Variants in SNTG2 observed in about 807,000 individuals in gnomAD.
SNTG2 encodes the protein syntrophin gamma 2.
In SNTG2, 74 loss-of-function variants were observed where a neutral mutation model predicts 70.9. That is an observed-to-expected ratio of 1.04 (90% CI 0.86 to 1.27). The LOEUF (loss-of-function observed/expected upper bound fraction) is 1.27. Ranked by LOEUF, SNTG2 falls within the 50% of genes most tolerant of loss-of-function variation. The pLI, the probability that SNTG2 is intolerant of heterozygous loss-of-function variation, is 0.00. For missense variants in SNTG2, 717 were observed against 690.7 expected (o/e 1.04, Z -0.43); for synonymous variants, 278 against 273.8 (o/e 1.02, Z -0.15).
At chr2:1,143,931 T>C (rs1207923199) in intron 6 of SNTG2, among the ~76,000 whole-genome samples, 1 of 131,740 alleles carries the variant, frequency 7.6e-6, no homozygotes, top group African/African-American at 3.1e-5. Flanking sequence ...ACTATAAAAC[T>C]GTCAGTTCTT....
intron 9 of SNTG2, among the ~76,000 whole-genome samples, chr2:1,229,585 G>A (rs372213131): frequency 3.3e-5 from 5 of 152,240 alleles, no homozygotes; most frequent in Admixed American, 6.5e-5. Context: ...TGCCAGTCCC[G>A]CGCCGTGCGC....
At chr2:1,256,965 T>TC (rs1448556993) in intron 12 of SNTG2, among the ~76,000 whole-genome samples, 5 of 146,584 alleles carry the variant, frequency 3.4e-5, no homozygotes, top group Non-Finnish European at 7.6e-5. Context: ...CACTTCTTCT[T>TC]TTTTTTTTTT....
chr2:1,119,996 G>C (rs551964846), intron 4 of SNTG2, among the ~76,000 whole-genome samples: 7 of 151,754 alleles, frequency 4.6e-5, no homozygotes, highest in African/African-American at 1.4e-4. Context: ...TGAGAAAATG[G>C]CATTGATAAT....
chr2:965,908 C>G (rs528160597), intron 1 of SNTG2, among the ~76,000 whole-genome samples: 1 of 152,304 alleles, frequency 6.6e-6, no homozygotes, highest in Admixed American at 6.5e-5. Flanking sequence ...TGGGCTGACC[C>G]TGGACCCACA....
chr2:1,169,542 T>C (rs1250759406), intron 7 of SNTG2, among the ~76,000 whole-genome samples: 1 of 152,196 alleles, frequency 6.6e-6, no homozygotes, highest in East Asian at 1.9e-4. Flanking sequence ...TGAGCCTGTG[T>C]TTCCCTCTGA....
intron 1 of SNTG2, among the ~76,000 whole-genome samples, chr2:1,015,521 A>G (rs990096575): frequency 3.3e-5 from 5 of 151,730 alleles, no homozygotes; most frequent in Non-Finnish European, 7.3e-5. Flanking sequence ...CATAAAAGGA[A>G]AAAAATCCCG....
intron 1 of SNTG2, among the ~76,000 whole-genome samples, chr2:1,066,217 G>C (rs541172161): frequency 6.6e-6 from 1 of 152,298 alleles, no homozygotes; most frequent in South Asian, 2.1e-4. Context: ...ATTCTGCTGG[G>C]TGTGGGAATG....
rs377139370 is a variant in SNTG2 at position 1,079,276 on chromosome 2, C to T, written c.73-4242C>T. Among the ~76,000 whole-genome samples the T allele has an allele frequency of 2.4e-3, 337 of 141,362 alleles. 1 individual carries two copies. Among genetic ancestry groups the T allele is most frequent in the African/African-American group, 8.0e-3 (319 of 39,732 alleles). The allele number at this position is 141,362 out of a possible 152,430, so 92.7% of individuals were successfully genotyped here. A position where few individuals can be genotyped will look rare whatever the true frequency, so the allele number is the denominator to read the frequency against. On this transcript the variant is annotated intron_variant, in intron 1 of 16. Transcript: ENST00000308624. The stretch of plus-strand genomic sequence containing the variant: ...GGCTACAGGTGATGTCTCCAGGGCA[C>T]AGGAAGGGGCACAGAAAGCAGTGCC...
chr2:1,198,740 CAG>C (rs1673084190), intron 8 of SNTG2, among the ~76,000 whole-genome samples: 3 of 152,042 alleles, frequency 2.0e-5, no homozygotes, highest in African/African-American at 7.2e-5. Flanking sequence ...AAAGAATCAT[CAG>C]AGACTATTAA....
chr2:1,089,027 T>TA (rs1664855424), intron 2 of SNTG2, among the ~76,000 whole-genome samples: 1 of 152,188 alleles, frequency 6.6e-6, no homozygotes, highest in Non-Finnish European at 1.5e-5. Context: ...ATTTCACAGG[T>TA]ACGGGGCTGA....
At chr2:1,357,183 A>G (rs1210546642) in intron 16 of SNTG2, among the ~76,000 whole-genome samples, 2 of 152,088 alleles carry the variant, frequency 1.3e-5, no homozygotes, top group South Asian at 4.2e-4. Context: ...TCTGGCTAGG[A>G]TGTCTAGCGC....
At chr2:1,247,918 C>A (rs570056103) in intron 12 of SNTG2, among the ~76,000 whole-genome samples, 1 of 152,076 alleles carries the variant, frequency 6.6e-6, no homozygotes, top group South Asian at 2.1e-4. Context: ...TGAATGCTAT[C>A]GTTCTGCAAT....
rs145474648 is a variant in SNTG2 at position 1,081,507 on chromosome 2, C to T, written c.73-2011C>T. On this transcript the variant is annotated intron_variant, in intron 1 of 16. Coordinates refer to ENST00000308624, the MANE Select transcript of SNTG2 (RefSeq NM_018968.4). Reference sequence around the variant, plus strand: ...GGGATATGTCTACATTTCTTCATCTCTCCAGTGAGCTCAGCCCTCGGTCAG... The same window carrying T: ...GGGATATGTCTACATTTCTTCATCTTTCCAGTGAGCTCAGCCCTCGGTCAG... Among the ~76,000 whole-genome samples, 16 of 152,378 alleles carry T rather than the reference C, an allele frequency of 1.1e-4. No homozygotes were observed. The East Asian group carries it at 3.1e-3, about 29-fold the overall frequency.
intron 1 of SNTG2, among the ~76,000 whole-genome samples, chr2:1,060,696 G>C (rs1161835172): frequency 6.6e-6 from 1 of 152,188 alleles, no homozygotes; most frequent in Non-Finnish European, 1.5e-5. Context: ...CTATTTGAAT[G>C]AAATAGTGAG....
rs769858572 is a variant in SNTG2, at chr2:1,239,757, G to A, written c.869G>A (p.Cys290Tyr). ...TLQNMKMANK[C>Y]CSPSDQVVHM... is the part of the protein sequence containing the mutation. ...CCACAGATGAAGATGGCGAACAAAT[G>A]CTGCTCTCCTTCCGACCAGGTAGGG... The change falls in exon 11 of 17, where the codon TGC becomes TAC. Residue 290 changes from cysteine to tyrosine, a missense_variant. Coordinates refer to ENST00000308624, the MANE Select transcript of SNTG2 (RefSeq NM_018968.4). The A allele has an allele frequency of 5.6e-6, 9 of 1,613,404 alleles. No individual in the cohort carries two copies. The East Asian group carries it at 2.0e-4, about 36-fold the overall frequency.
intron 16 of SNTG2, among the ~76,000 whole-genome samples, chr2:1,364,358 T>C (rs75088742): frequency 0.016 from 2,460 of 152,206 alleles, 59 homozygotes; most frequent in African/African-American, 0.055. Context: ...GTTTTGAATA[T>C]GTGCATTATT....
chr2:1,048,711 A>T (rs770748780), intron 1 of SNTG2, among the ~76,000 whole-genome samples: 17 of 152,184 alleles, frequency 1.1e-4, no homozygotes, highest in Non-Finnish European at 1.9e-4. Context: ...TTGCAGCTTG[A>T]ATGTGCACAT....
intron 16 of SNTG2, among the ~76,000 whole-genome samples, chr2:1,332,403 C>T (rs1010371234): frequency 1.8e-4 from 27 of 152,056 alleles, no homozygotes; most frequent in African/African-American, 5.8e-4. Flanking sequence ...TAGAGAAAGA[C>T]GGAATCCTCC....
intron 7 of SNTG2, among the ~76,000 whole-genome samples, chr2:1,172,492 C>G (rs1379659647): frequency 6.6e-6 from 1 of 152,152 alleles, no homozygotes; most frequent in East Asian, 1.9e-4. Context: ...TTCCCAGGAC[C>G]TTGGAAACGG....
Sources: allele counts gnomAD v4.1 joint callset (sites outside exome capture counted in the v4.1 genomes callset), GRCh38; gene constraint gnomAD v4.1.1; transcripts MANE v1.5; gene names NCBI Gene and HGNC (gene_info 2026-07-23, HGNC 2026-07-21).